TBCK: variants seen among roughly 807,000 people sequenced by gnomAD.
TBCK encodes the protein TBC1 domain containing kinase.
A neutral mutation model predicts 113.4 loss-of-function variants in TBCK; 99 were observed. The observed-to-expected ratio is 0.87, with a 90% CI of 0.74 to 1.03. The LOEUF is 1.03. Ranked by LOEUF, TBCK falls within the 50% of genes least tolerant of loss-of-function variation. TBCK has a pLI of 0.00. For missense variants in TBCK, 1,045 were observed against 1,061.3 expected (o/e 0.98, Z 0.21); for synonymous variants, 369 against 370.8 (o/e 1.00, Z 0.05).
intron 20 of TBCK, among the ~76,000 whole-genome samples, chr4:106,212,086 C>T (rs1193546262): frequency 6.6e-6 from 1 of 152,098 alleles, no homozygotes; most frequent in East Asian, 1.9e-4. Flanking sequence ...TGCACCCACG[C>T]TACCACTTGC....
chr4:106,231,648 A>T, intron 18 of TBCK, 81 bp downstream of exon 18: 1 of 1,371,758 alleles, frequency 7.3e-7, no homozygotes, highest in Non-Finnish European at 1.0e-6. Flanking sequence ...GCCTTAAAAC[A>T]AAAACAAAAA....
chr4:106,069,055 G>A (rs1185461438), intron 25 of TBCK, among the ~76,000 whole-genome samples: 1 of 152,184 alleles, frequency 6.6e-6, no homozygotes, highest in Non-Finnish European at 1.5e-5. Context: ...CCCTTTGTCA[G>A]ATGAGTAGAT....
At chr4:106,255,954 T>C (rs1023344382) in intron 5 of TBCK, among the ~76,000 whole-genome samples, 1 of 152,070 alleles carries the variant, frequency 6.6e-6, no homozygotes, top group South Asian at 2.1e-4. Flanking sequence ...CTAGGGTGGA[T>C]AGCTTTTCCC....
At chr4:106,129,631 T>G (rs1158093951) in intron 23 of TBCK, among the ~76,000 whole-genome samples, 2 of 152,134 alleles carry the variant, frequency 1.3e-5, no homozygotes, top group Non-Finnish European at 2.9e-5. Context: ...AAAGGGGAGA[T>G]ATAAACATAT....
intron 25 of TBCK, among the ~76,000 whole-genome samples, chr4:106,088,870 T>C (rs970618368): frequency 6.6e-6 from 1 of 151,714 alleles, no homozygotes; most frequent in East Asian, 1.9e-4. Flanking sequence ...CAAATGCGAG[T>C]TGAACATTGA....
At chr4:106,161,616 A>G (rs1407813945) in intron 23 of TBCK, among the ~76,000 whole-genome samples, 1 of 152,140 alleles carries the variant, frequency 6.6e-6, no homozygotes, top group Non-Finnish European at 1.5e-5. Context: ...TTTGAGATAT[A>G]CAAATAATAT....
At chr4:106,058,374 G>A (rs959561077) in intron 25 of TBCK, among the ~76,000 whole-genome samples, 1 of 151,740 alleles carries the variant, frequency 6.6e-6, no homozygotes, top group Non-Finnish European at 1.5e-5. Flanking sequence ...CCTGAAGGAA[G>A]CATGGGATTT....
At chr4:106,171,793 A>G (rs1751055176) in intron 22 of TBCK, among the ~76,000 whole-genome samples, 1 of 152,106 alleles carries the variant, frequency 6.6e-6, no homozygotes, top group African/African-American at 2.4e-5. Context: ...AAATTATCAG[A>G]AAAAATTTTT....
chr4:106,070,774 C>T (rs544971189), intron 25 of TBCK, among the ~76,000 whole-genome samples: 4 of 151,902 alleles, frequency 2.6e-5, no homozygotes, highest in South Asian at 4.2e-4. Context: ...ATCTGGTCCT[C>T]GACTTTTTTT....
chr4:106,097,209 C>T lies in TBCK; in HGVS notation c.2412-1568G>A, dbSNP rs1578882666. Among the ~76,000 whole-genome samples, 5 of 152,074 alleles carry T rather than the reference C, an allele frequency of 3.3e-5. No individual in the cohort carries two copies. The East Asian group carries it at 7.7e-4, about 23-fold the overall frequency. On this transcript the variant is annotated intron_variant, in intron 24 of 25. Transcript: ENST00000394708. ...TCACAAAATATGACGGCAACAGAGT[C>T]TTTTTTGAAAGAGAAAGTTTTTCAA...
chr4:106,055,304 GA>G (rs1034938945), intron 25 of TBCK, among the ~76,000 whole-genome samples: 3 of 148,760 alleles, frequency 2.0e-5, no homozygotes, highest in Admixed American at 6.7e-5. Context: ...ATAGAAGTGT[GA>G]AAAAAAAAGA....
intron 2 of TBCK, among the ~76,000 whole-genome samples, chr4:106,299,527 C>T (rs1766694697): frequency 6.6e-6 from 1 of 152,152 alleles, no homozygotes; most frequent in Admixed American, 6.5e-5. Context: ...GCCAAAGCTT[C>T]AAGATTCTAT....
chr4:106,089,863 G>C (rs1008526968), intron 25 of TBCK, among the ~76,000 whole-genome samples: 16 of 152,194 alleles, frequency 1.1e-4, no homozygotes, highest in African/African-American at 3.9e-4. Flanking sequence ...GGCTTTCCAA[G>C]GTGCAGCCCT....
chr4:106,144,479 G>T (rs935401100), intron 23 of TBCK, among the ~76,000 whole-genome samples: 1 of 152,090 alleles, frequency 6.6e-6, no homozygotes, highest in Admixed American at 6.5e-5. Flanking sequence ...ATGAAATGGG[G>T]TCTCTGAAGA....
chr4:106,216,230 A>C (rs1404418350), intron 19 of TBCK, among the ~76,000 whole-genome samples: 1 of 151,078 alleles, frequency 6.6e-6, no homozygotes, highest in Non-Finnish European at 1.5e-5. Context: ...TGTAGAGGGA[A>C]ATTTATAGCA....
intron 25 of TBCK, among the ~76,000 whole-genome samples, chr4:106,072,896 G>A (rs922415354): frequency 3.3e-5 from 5 of 152,102 alleles, no homozygotes; most frequent in African/African-American, 1.2e-4. Context: ...ATCAGCTACT[G>A]AAGCTTGTGC....
chr4:106,279,083 C>A (rs1042794044), intron 3 of TBCK, among the ~76,000 whole-genome samples: 3 of 152,168 alleles, frequency 2.0e-5, no homozygotes, highest in African/African-American at 7.2e-5. Context: ...TGGATATAGA[C>A]CTTTTCTATA....
chr4:106,151,152 G>A (rs751327838), intron 23 of TBCK, among the ~76,000 whole-genome samples: 3 of 151,780 alleles, frequency 2.0e-5, no homozygotes, highest in Non-Finnish European at 2.9e-5. Flanking sequence ...ATTCCATCCA[G>A]GTTAATGGGA....
rs1215904931 is a variant in TBCK, at chr4:106,051,401, T to C, written c.2572-4721A>G. ...ACAAAGCTCAAACAGAGAAGTCTTTTATCTCTTCCATTTTATCTGGCCATT... is the reference window on the plus strand; with the variant it reads ...ACAAAGCTCAAACAGAGAAGTCTTTCATCTCTTCCATTTTATCTGGCCATT... On this transcript the variant is annotated intron_variant, in intron 25 of 25. Coordinates refer to ENST00000394708, the MANE Select transcript of TBCK (RefSeq NM_001163435.3). 2.6e-5 allele frequency among the ~76,000 whole-genome samples: 4 copies of C among 151,940 alleles called. No individual in the cohort carries two copies. The South Asian group carries it at 8.3e-4, about 31-fold the overall frequency.
Sources: gnomAD v4.1 joint callset for allele counts (sites outside exome capture counted in the v4.1 genomes callset) on GRCh38, gnomAD v4.1.1 for gene constraint, MANE v1.5 for transcripts, NCBI Gene and HGNC (gene_info 2026-07-23, HGNC 2026-07-21) for gene names.